COL1A1: variants seen among roughly 807,000 people sequenced by gnomAD.
The protein encoded by COL1A1 is collagen alpha-1(I) chain.
In COL1A1, 21 loss-of-function variants were observed where a neutral mutation model predicts 195.7. The ratio of observed to expected loss-of-function variants is 0.11; its 90% CI spans 0.08 to 0.15. The LOEUF (loss-of-function observed/expected upper bound fraction) is 0.15. COL1A1 is among the 10% of genes least tolerant of loss of function. COL1A1 has a pLI of 1.00. For synonymous variants in COL1A1, 749 were observed against 747.3 expected (o/e 1.00, Z -0.04); for missense variants, 1,365 against 2,051.0 (o/e 0.67, Z 6.46).
rs747740650 is a variant in COL1A1, at chr17:50,195,397, C to T, written c.1200+37G>A. The stretch of plus-strand genomic sequence containing the variant: ...GGGAAAGGGGCAGGCAGGCTGCAGG[C>T]GGCAGGAGTGGGACTGAAGCCTGGC... On this transcript the variant is annotated intron_variant, in intron 18 of 50. Transcript: ENST00000225964. This position sits in a 1 kb window ranked among gnomAD's most constrained non-coding sequence, Gnocchi z 4.3. 46 of 1,613,818 alleles carry T rather than the reference C, an allele frequency of 2.9e-5. No homozygotes were observed. The highest frequency in any genetic ancestry group is 1.6e-4 in the Middle Eastern group (1 of 6,084).
In COL1A1 at chr17:50,189,715, A is replaced by G. The variant is rs750900522; in HGVS notation, c.2631T>C (p.Pro877=). 1 of 1,614,082 alleles carries G rather than the reference A, an allele frequency of 6.2e-7. No individual in the cohort carries two copies. The highest frequency in any genetic ancestry group is 8.5e-7 in the Non-Finnish European group (1 of 1,179,998). Residue 877 remains proline, a synonymous_variant, in exon 38 of 51, where the codon CCT becomes CCC. Coordinates refer to ENST00000225964, the MANE Select transcript of COL1A1 (RefSeq NM_000088.4). The surrounding 1 kb of genome is among the most constrained non-coding windows in gnomAD (Gnocchi z 5.5). Reference sequence around the variant, plus strand: ...GAGGACCGACTCGGCCAGCAGCACCAGGGAAACCAGTAGCACCCTGGAAGG... The same window carrying G: ...GAGGACCGACTCGGCCAGCAGCACCGGGGAAACCAGTAGCACCCTGGAAGG... ...SAGPPGATGF[P]GAAGRVGPPG... is the part of the protein sequence containing the mutation.
In COL1A1 at chr17:50,191,728, A is replaced by G. The variant is rs112502723; in HGVS notation, c.2127+60T>C. Reference sequence around the variant, plus strand: ...GTCATGGCCCGCCATCCCCTGCTGCAGGAGGGGTGAGACCTGGTCCCTGGG... The same window carrying G: ...GTCATGGCCCGCCATCCCCTGCTGCGGGAGGGGTGAGACCTGGTCCCTGGG... On this transcript the variant is annotated intron_variant, in intron 31 of 50. Coordinates refer to ENST00000225964, the MANE Select transcript of COL1A1 (RefSeq NM_000088.4). 1,104 of 1,520,556 alleles carry G rather than the reference A, an allele frequency of 7.3e-4. 12 individuals are homozygous for G. The African/African-American group carries it at 0.014, about 19-fold the overall frequency. The allele number at this position is 1,520,556 out of a possible 1,614,324, so 94.2% of individuals were successfully genotyped here.
Position 50,188,910 on chromosome 17 carries a change from C to G in COL1A1, c.3038G>C (p.Gly1013Ala). Residue 1013 changes from glycine (G) to alanine (A), a missense_variant, in exon 41 of 51, where the codon GGA becomes GCA. By Grantham distance (60) the Gly-to-Ala change is moderately conservative (BLOSUM62 0). Transcript: ENST00000225964. The surrounding 1 kb of genome is among the most constrained non-coding windows in gnomAD (Gnocchi z 5.6). ...PGLAGPPGESGREGAPGAEGS... is the reference protein window; with the variant it reads ...PGLAGPPGESAREGAPGAEGS... ...GGGCTGGGGACTGCTCACCTCACGT[C>G]CAGATTCACCAGGGGGTCCAGCCAA... 1 of 1,607,828 alleles carries G rather than the reference C, an allele frequency of 6.2e-7. No individual in the cohort carries two copies. The highest frequency in any genetic ancestry group is 8.5e-7 in the Non-Finnish European group (1 of 1,174,466).
intron 8 of COL1A1, 54 bp from the exon 9 acceptor site, chr17:50,197,839 A>G: frequency 6.3e-7 from 1 of 1,596,160 alleles, no homozygotes; most frequent in Non-Finnish European, 8.6e-7. Context: ...AAGAAGGGGA[A>G]GGCTGGGATT....
rs546112377 is a variant in COL1A1 at position 50,191,348 on chromosome 17, T to C, written c.2235+35A>G. On this transcript the variant is annotated intron_variant, in intron 32 of 50. Coordinates refer to ENST00000225964, the MANE Select transcript of COL1A1 (RefSeq NM_000088.4). ...TCAAAGCAGGCAGAGATGGGAGCCA[T>C]GTAGGGCTCAGGGGAGGGGGAAGGT... is the stretch of plus-strand genomic sequence containing the variant. 3 of 1,570,988 alleles carry C rather than the reference T, an allele frequency of 1.9e-6. No homozygotes were observed. In the African/African-American group the frequency reaches 4.0e-5, roughly 21 times the overall value.
chr17:50,194,260 C>T lies in COL1A1; in HGVS notation c.1615-77G>A, dbSNP rs1274222869. ...TGGGGGAGGACTCCAGAGGGCAGAC[C>T]CTTGGGCCTGATCCAGAACGCCTCA... On this transcript the variant is annotated intron_variant, in intron 23 of 50. Coordinates refer to ENST00000225964, the MANE Select transcript of COL1A1 (RefSeq NM_000088.4). This position sits in a 1 kb window ranked among gnomAD's most constrained non-coding sequence, Gnocchi z 6.8. 1 of 1,597,198 alleles carries T rather than the reference C, an allele frequency of 6.3e-7. No individual in the cohort carries two copies. The highest frequency in any genetic ancestry group is 2.2e-5 in the East Asian group (1 of 44,778).
At chr17:50,197,311 A>G in intron 9 of COL1A1, 78 bp from the exon 10 acceptor site, 1 of 1,456,478 alleles carries the variant, frequency 6.9e-7, no homozygotes, top group South Asian at 1.1e-5. Flanking sequence ...AGAAGGTCTC[A>G]GTCTTCTTTG....
chr17:50,199,760 G>C lies in COL1A1; in HGVS notation c.291C>G (p.Asp97Glu). The C allele has an allele frequency of 6.2e-7, 1 of 1,612,416 alleles. No homozygotes were observed. Among genetic ancestry groups the C allele is most frequent in the Non-Finnish European group, 8.5e-7 (1 of 1,179,766 alleles). Residue 97 changes from aspartate (D) to glutamate (E), a missense_variant, in exon 2 of 51, where the codon GAC (aspartate) becomes GAG (glutamate). Asp to Glu is a conservative substitution (Grantham distance 45). Around this residue, in one of 5 missense-constraint regions of COL1A1, gnomAD observed 194 missense variants for 221.7 expected, o/e 0.88. Transcript: ENST00000225964. Reference protein sequence around the residue: ...PEGECCPVCPDGSESPTDQET... With the variant: ...PEGECCPVCPEGSESPTDQET... Reference sequence around the variant, plus strand: ...CCCCGAGCGCAGCCGCACCTGAGCCGTCGGGGCAGACGGGACAGCACTCGC... The same window carrying C: ...CCCCGAGCGCAGCCGCACCTGAGCCCTCGGGGCAGACGGGACAGCACTCGC...
At chr17:50,191,701 T>C in intron 31 of COL1A1, 87 bp downstream of exon 31, 2 of 1,438,772 alleles carry the variant, frequency 1.4e-6, no homozygotes, top group South Asian at 2.4e-5. Flanking sequence ...TCCATGGCTT[T>C]GGTCATGGCC....
Position 50,190,998 on chromosome 17 carries a change from G to A in COL1A1, c.2236-74C>T. On this transcript the variant is annotated intron_variant, in intron 32 of 50. Transcript: ENST00000225964. The surrounding 1 kb of genome is among the most constrained non-coding windows in gnomAD (Gnocchi z 4.7). The stretch of plus-strand genomic sequence containing the variant: ...ACCTATAGTGTTCTGCTTGTGTCTG[G>A]GTTTCCTGAGAGGCCCTCTGCAGCT... 1 of 1,425,874 alleles carries A rather than the reference G, an allele frequency of 7.0e-7. No individual in the cohort carries two copies. Among genetic ancestry groups the A allele is most frequent in the African/African-American group, 1.4e-5 (1 of 71,226 alleles). 88.3% of individuals were successfully genotyped at this position (1,425,874 alleles called of 1,614,324 possible).
Position 50,189,054 on chromosome 17 carries a change from G to A in COL1A1, c.2938-44C>T, listed in dbSNP as rs1376681206. On this transcript the variant is annotated intron_variant, in intron 40 of 50. Coordinates refer to ENST00000225964, the MANE Select transcript of COL1A1 (RefSeq NM_000088.4). The surrounding 1 kb of genome is among the most constrained non-coding windows in gnomAD (Gnocchi z 5.5). ...TCAGGCCAGAGATAGGGTCTGGGAG[G>A]ACCCTTGAGTCCGCTGGAGTCATCT... The A allele has an allele frequency of 6.3e-7, 1 of 1,579,188 alleles. No homozygotes were observed. Among genetic ancestry groups the A allele is most frequent in the Non-Finnish European group, 8.7e-7 (1 of 1,148,496 alleles).
At chr17:50,197,865 G>A (rs112866636) in intron 8 of COL1A1, 80 bp from the exon 9 acceptor site, 28 of 1,586,676 alleles carry the variant, frequency 1.8e-5, no homozygotes, top group African/African-American at 1.7e-4. Context: ...GAAGAGGTAA[G>A]GAAGACCCCA....
chr17:50,192,071 G>C (rs774095910), intron 29 of COL1A1, 47 bp from the exon 30 acceptor site: 1 of 1,592,728 alleles, frequency 6.3e-7, no homozygotes. Context: ...AACCCACCTG[G>C]GGCCACTCTG....
Position 50,189,141 on chromosome 17 carries a change from GC to G in COL1A1, c.2937+26del. On this transcript the variant is annotated intron_variant, in intron 40 of 50. Coordinates refer to ENST00000225964, the MANE Select transcript of COL1A1 (RefSeq NM_000088.4). The surrounding 1 kb of genome is among the most constrained non-coding windows in gnomAD (Gnocchi z 5.5). The stretch of plus-strand genomic sequence containing the variant: ...AAGTCCTGTGATGGTTTTTCTCAGG[GC>G]CCCCCAAGGTGAGGGGGGCACTTAC... The G allele has an allele frequency of 1.2e-6, 2 of 1,607,786 alleles. No individual in the cohort carries two copies. Among genetic ancestry groups the G allele is most frequent in the Non-Finnish European group, 1.7e-6 (2 of 1,174,634 alleles).
rs1907724705 is a variant in COL1A1, at chr17:50,197,797, AGAAGAGG to A, written c.643-19_643-13del. 2.5e-6 allele frequency: 4 copies of A among 1,609,950 alleles called. No homozygotes were observed. Among genetic ancestry groups the A allele is most frequent in the Non-Finnish European group, 3.4e-6 (4 of 1,178,586 alleles). Reference sequence around the variant, plus strand: ...GGACCCATGGGACCCTAGAAAAGATAGAAGAGGTGGTTAGAATATGGATAAGAAAAAA... The same window carrying A: ...GGACCCATGGGACCCTAGAAAAGATATGGTTAGAATATGGATAAGAAAAAA... On this transcript the variant is annotated splice_polypyrimidine_tract_variant and intron_variant, in intron 8 of 50. Coordinates refer to ENST00000225964, the MANE Select transcript of COL1A1 (RefSeq NM_000088.4).
rs1216985886 is a variant in COL1A1, at chr17:50,194,239, G to A, written c.1615-56C>T. ...TGGGGAGAAGCATGATGGAGGTGGG[G>A]GAGGACTCCAGAGGGCAGACCCTTG... On this transcript the variant is annotated intron_variant, in intron 23 of 50. Transcript: ENST00000225964. The surrounding 1 kb of genome is among the most constrained non-coding windows in gnomAD (Gnocchi z 6.8). 2 of 1,592,222 alleles carry A rather than the reference G, an allele frequency of 1.3e-6. No homozygotes were observed. Among genetic ancestry groups the A allele is most frequent in the Non-Finnish European group, 8.6e-7 (1 of 1,161,454 alleles).
Position 50,194,842 on chromosome 17 carries a change from AGAG to A in COL1A1, c.1354-17_1354-15del. 1 of 1,568,894 alleles carries A rather than the reference AGAG, an allele frequency of 6.4e-7. No individual in the cohort carries two copies. Among genetic ancestry groups the A allele is most frequent in the East Asian group, 2.4e-5 (1 of 42,312 alleles). ...ACCAACAGGGCCCTGGAGAGGGCCG[AGAG>A]GAGGAGGCGGCCTGTGGTGAGGGGC... is the stretch of plus-strand genomic sequence containing the variant. On this transcript the variant is annotated splice_polypyrimidine_tract_variant and intron_variant, in intron 20 of 50. Transcript: ENST00000225964. The surrounding 1 kb of genome is among the most constrained non-coding windows in gnomAD (Gnocchi z 6.8).
chr17:50,199,419 C>T lies in COL1A1; in HGVS notation c.368G>A (p.Arg123Lys), dbSNP rs1907872080. 6.2e-7 allele frequency: 1 copy of T among 1,613,958 alleles called. No individual in the cohort carries two copies. Among genetic ancestry groups the T allele is most frequent in the Non-Finnish European group, 8.5e-7 (1 of 1,179,974 alleles). The change falls in exon 4 of 51, where the codon AGG becomes AAG. Residue 123 changes from arginine (R) to lysine (K), a missense_variant and splice_region_variant. By Grantham distance (26) the Arg-to-Lys change is conservative. Coordinates refer to ENST00000225964, the MANE Select transcript of COL1A1 (RefSeq NM_000088.4). Reference protein sequence around the residue: ...PKGDTGPRGPRGPAGPPGRDG... With the variant: ...PKGDTGPRGPKGPAGPPGRDG... ...CACAGCCCAGAGTGCAACGCTTACCCTTGGGCCTCGGGGGCCAGTGTCTCC... is the reference window on the plus strand; with the variant it reads ...CACAGCCCAGAGTGCAACGCTTACCTTTGGGCCTCGGGGGCCAGTGTCTCC...
chr17:50,194,163 G>T lies in COL1A1; in HGVS notation c.1635C>A (p.Gly545=). The T allele has an allele frequency of 6.2e-7, 1 of 1,613,812 alleles. No homozygotes were observed. The highest frequency in any genetic ancestry group is 8.5e-7 in the Non-Finnish European group (1 of 1,179,960). ...CAGTTTTGCCATCAGGACCAGGGCT[G>T]CCAGGGCTTCCAGTCAGACCCTAGG... ...PGAKGLTGSP[G]SPGPDGKTGP... is the part of the protein sequence containing the mutation. Residue 545 remains glycine, a synonymous_variant, in exon 24 of 51, where the codon GGC becomes GGA. Coordinates refer to ENST00000225964, the MANE Select transcript of COL1A1 (RefSeq NM_000088.4). The surrounding 1 kb of genome is among the most constrained non-coding windows in gnomAD (Gnocchi z 6.8).
Sources: allele counts gnomAD v4.1 joint callset, GRCh38; gene constraint gnomAD v4.1.1; regional missense constraint gnomAD v4.1.1; non-coding constraint Gnocchi (gnomAD v3.1); transcripts MANE v1.5; gene names NCBI Gene and HGNC (gene_info 2026-07-23, HGNC 2026-07-21).